PHF21A: variants seen among roughly 807,000 people sequenced by gnomAD.
The protein encoded by PHF21A is PHD finger protein 21A.
A neutral mutation model predicts 82.5 loss-of-function variants in PHF21A; 11 were observed. The ratio of observed to expected loss-of-function variants is 0.13; its 90% CI spans 0.08 to 0.22. PHF21A has a LOEUF of 0.22. PHF21A is among the 10% of genes least tolerant of loss of function. The pLI is 1.00. For synonymous variants in PHF21A, 297 were observed against 302.8 expected, an observed-to-expected ratio of 0.98 and a Z score of 0.20; for missense variants, 579 against 837.8, an observed-to-expected ratio of 0.69 and a Z score of 3.81.
rs1473633433 is a variant in PHF21A at position 45,949,445 on chromosome 11, GTTC to G, written c.1181_1183del (p.Arg394del). On this transcript the variant is annotated inframe_deletion, in exon 13 of 19. Coordinates refer to ENST00000676320, the MANE Select transcript of PHF21A (RefSeq NM_001352027.3). ...TCCACTGTAGACCGGATTTGCTGTT[GTTC>G]TTCTTTTTCGCTCTTGCCTCTTGCT... 6.2e-7 allele frequency: 1 copy of G among 1,614,194 alleles called. No homozygotes were observed. Among genetic ancestry groups the G allele is most frequent in the Non-Finnish European group, 8.5e-7 (1 of 1,180,006 alleles).
chr11:46,043,940 T>G (rs2096208021), intron 6 of PHF21A, among the ~76,000 whole-genome samples: 1 of 152,172 alleles, frequency 6.6e-6, no homozygotes, highest in African/African-American at 2.4e-5. Context: ...ATTATATACT[T>G]AATGATTTAT....
intron 1 of PHF21A, among the ~76,000 whole-genome samples, chr11:46,100,050 A>G (rs1042166229): frequency 2.6e-5 from 4 of 152,238 alleles, no homozygotes; most frequent in Admixed American, 2.6e-4. Context: ...AACAGCTACA[A>G]TACACTGGGA....
intron 6 of PHF21A, among the ~76,000 whole-genome samples, chr11:46,046,573 G>A (rs751536501): frequency 6.6e-5 from 10 of 152,134 alleles, no homozygotes; most frequent in Non-Finnish European, 1.0e-4. Flanking sequence ...CCATTCTAAG[G>A]CAATCTCACA....
intron 1 of PHF21A, among the ~76,000 whole-genome samples, chr11:46,114,422 A>G (rs2097262741): frequency 6.6e-6 from 1 of 152,250 alleles, no homozygotes; most frequent in Admixed American, 6.5e-5. Flanking sequence ...GTTTTGGAAT[A>G]TAGTCCAAGA....
intron 10 of PHF21A, among the ~76,000 whole-genome samples, chr11:45,960,558 A>C (rs1285394387): frequency 6.6e-6 from 1 of 152,242 alleles, no homozygotes; most frequent in Non-Finnish European, 1.5e-5. Flanking sequence ...ATAATTGCTT[A>C]ATGGATACTG....
chr11:46,052,494 C>T (rs1482076391), intron 6 of PHF21A, among the ~76,000 whole-genome samples: 7 of 152,022 alleles, frequency 4.6e-5, no homozygotes, highest in Admixed American at 4.6e-4. Flanking sequence ...CATTCAACCT[C>T]ACTGCCTATC....
chr11:45,994,207 T>C (rs1290793415), intron 6 of PHF21A, among the ~76,000 whole-genome samples: 1 of 152,214 alleles, frequency 6.6e-6, no homozygotes, highest in Non-Finnish European at 1.5e-5. Flanking sequence ...TGGCAACATT[T>C]AGACTGGGTA....
chr11:46,084,680 AT>A (rs11321400), intron 3 of PHF21A, among the ~76,000 whole-genome samples: 111,647 of 132,304 alleles, frequency 0.84, 46,997 homozygotes, highest in East Asian at 0.99. Flanking sequence ...CAGAATCATA[AT>A]TTTTTTTTTT....
Position 46,012,386 on chromosome 11 carries a change from A to G in PHF21A, c.154-32420T>C, listed in dbSNP as rs528914359. On this transcript the variant is annotated intron_variant, in intron 6 of 18. Transcript: ENST00000676320. Reference sequence around the variant, plus strand: ...TCAGATGCTTTTCAAGTTTCTGTCCAGGCCTTCTTTGTTTCCTCCCTATAG... The same window carrying G: ...TCAGATGCTTTTCAAGTTTCTGTCCGGGCCTTCTTTGTTTCCTCCCTATAG... Among the ~76,000 whole-genome samples the G allele has an allele frequency of 1.2e-4, 19 of 152,248 alleles. No individual in the cohort carries two copies. The South Asian group carries it at 3.5e-3, about 28-fold the overall frequency.
chr11:46,083,217 G>A (rs771127315), intron 4 of PHF21A, among the ~76,000 whole-genome samples: 42 of 151,512 alleles, frequency 2.8e-4, no homozygotes, highest in Non-Finnish European at 4.0e-4. Context: ...AGAAGCCCAC[G>A]TGCATAGGGC....
Position 45,971,351 on chromosome 11 carries a change from G to C in PHF21A, c.377C>G (p.Ala126Gly). Residue 126 changes from alanine to glycine, a missense_variant, in exon 8 of 19, where the codon GCT (alanine) becomes GGT (glycine). Physicochemically the swap from Ala to Gly is moderately conservative, Grantham distance 60. Transcript: ENST00000676320. ...TAGTGTCTTTGTGGTAATCATAGAA[G>C]CTGTAGTTACAGTCTTCTAGGAGAC... The part of the protein sequence containing the change: ...LTASQKTVTT[A>G]SMITTKTLPL... 5 of 1,614,004 alleles carry C rather than the reference G, an allele frequency of 3.1e-6. No individual in the cohort carries two copies. The highest frequency in any genetic ancestry group is 4.2e-6 in the Non-Finnish European group (5 of 1,179,914).
chr11:46,108,011 T>C (rs1473851789), intron 1 of PHF21A, among the ~76,000 whole-genome samples: 1 of 152,198 alleles, frequency 6.6e-6, no homozygotes, highest in East Asian at 1.9e-4. Context: ...TTTACGCTGA[T>C]TAAGCAGTAC....
intron 1 of PHF21A, among the ~76,000 whole-genome samples, chr11:46,108,815 T>C (rs1441004465): frequency 6.6e-6 from 1 of 152,128 alleles, no homozygotes; most frequent in African/African-American, 2.4e-5. Flanking sequence ...CTAAAAAAAG[T>C]ATTAAACTAA....
intron 1 of PHF21A, among the ~76,000 whole-genome samples, chr11:46,120,148 AAC>A (rs1247457804): frequency 6.7e-6 from 1 of 148,992 alleles, no homozygotes; most frequent in Non-Finnish European, 1.5e-5. Context: ...CACACACACA[AAC>A]ACACACACTG....
intron 6 of PHF21A, among the ~76,000 whole-genome samples, chr11:46,050,668 T>C (rs1468776002): frequency 1.3e-5 from 2 of 152,214 alleles, no homozygotes; most frequent in Non-Finnish European, 2.9e-5. Flanking sequence ...TCCAAGATCC[T>C]GAAACTATAA....
At chr11:46,028,982 C>T (rs2095810151) in intron 6 of PHF21A, among the ~76,000 whole-genome samples, 1 of 152,226 alleles carries the variant, frequency 6.6e-6, no homozygotes, top group South Asian at 2.1e-4. Context: ...GATCCTCTTT[C>T]ATTTCTATTG....
chr11:46,106,779 A>G (rs2097156808), intron 1 of PHF21A, among the ~76,000 whole-genome samples: 1 of 152,250 alleles, frequency 6.6e-6, no homozygotes, highest in African/African-American at 2.4e-5. Flanking sequence ...AGGCACTGCC[A>G]TCTCAATGGG....
chr11:46,089,005 C>G (rs1432517417), intron 3 of PHF21A, among the ~76,000 whole-genome samples: 1 of 151,784 alleles, frequency 6.6e-6, no homozygotes, highest in African/African-American at 2.4e-5. Flanking sequence ...CTTGACTCAT[C>G]AACCAACATT....
chr11:46,003,134 A>C (rs1238308415), intron 6 of PHF21A, among the ~76,000 whole-genome samples: 2 of 152,184 alleles, frequency 1.3e-5, no homozygotes, highest in Non-Finnish European at 2.9e-5. Context: ...ACAGGAGTAG[A>C]ATAATTTCCT....
Sources: allele counts gnomAD v4.1 joint callset (sites outside exome capture counted in the v4.1 genomes callset), GRCh38; gene constraint gnomAD v4.1.1; transcripts MANE v1.5; gene names NCBI Gene and HGNC (gene_info 2026-07-23, HGNC 2026-07-21).